Variants in GALNT13 observed in about 807,000 individuals in gnomAD.
The protein encoded by GALNT13 is UDP-GalNAc:polypeptide N-acetylgalactosaminyltransferase 13.
In GALNT13, 28 loss-of-function variants were observed where a neutral mutation model predicts 64.2. The ratio of observed to expected loss-of-function variants is 0.44; its 90% CI spans 0.32 to 0.60. The LOEUF (loss-of-function observed/expected upper bound fraction) is 0.60. Ranked by LOEUF, GALNT13 falls within the 20% of genes least tolerant of loss-of-function variation. The pLI is 0.05. For missense variants in GALNT13, 577 were observed against 669.8 expected, an observed-to-expected ratio of 0.86 and a Z score of 1.53; for synonymous variants, 214 against 224.6, an observed-to-expected ratio of 0.95 and a Z score of 0.42.
intron 9 of GALNT13, among the ~76,000 whole-genome samples, chr2:154,329,417 T>G (rs1177988670): frequency 1.3e-5 from 2 of 152,210 alleles, no homozygotes; most frequent in African/African-American, 4.8e-5. Context: ...ATTTTATTCT[T>G]TATGATGTTG....
chr2:154,449,764 AAAATAT>A (rs1282156484), intron 12 of GALNT13, among the ~76,000 whole-genome samples: 4 of 152,014 alleles, frequency 2.6e-5, no homozygotes, highest in African/African-American at 7.2e-5. Flanking sequence ...TGAAGAAACT[AAAATAT>A]AAATATAATG....
At chr2:153,471,986 A>G in the GALNT13 span, among the ~76,000 whole-genome samples, 1 of 152,254 alleles carries the variant, frequency 6.6e-6, no homozygotes. Context: ...TATACAGTAA[A>G]GGAAACACTG....
chr2:154,083,602 C>T (rs1042372929), intron 3 of GALNT13, among the ~76,000 whole-genome samples: 1 of 151,664 alleles, frequency 6.6e-6, no homozygotes. Flanking sequence ...CAGTGGTTTG[C>T]AGTTCTCCTT....
At chr2:153,366,737 AC>A in the GALNT13 span, among the ~76,000 whole-genome samples, 5 of 131,844 alleles carry the variant, frequency 3.8e-5, no homozygotes, top group Admixed American at 3.7e-4. Context: ...ACACACACAC[AC>A]ACACACACAC....
At chr2:154,354,908 A>C (rs908237398) in intron 9 of GALNT13, among the ~76,000 whole-genome samples, 14 of 150,166 alleles carry the variant, frequency 9.3e-5, no homozygotes, top group Non-Finnish European at 1.8e-4. Flanking sequence ...GTGTTTCTAT[A>C]CATAGAATTT....
chr2:153,550,963 T>G, the GALNT13 span, among the ~76,000 whole-genome samples: 1 of 152,208 alleles, frequency 6.6e-6, no homozygotes, highest in Non-Finnish European at 1.5e-5. Flanking sequence ...ATAAATACTA[T>G]GGAGAAAAAT....
the GALNT13 span, among the ~76,000 whole-genome samples, chr2:153,817,163 T>C: frequency 6.6e-6 from 1 of 152,208 alleles, no homozygotes; most frequent in East Asian, 1.9e-4. Flanking sequence ...CCAATGACTC[T>C]TCCTCGGTGT....
chr2:153,594,720 G>T, the GALNT13 span, among the ~76,000 whole-genome samples: 1 of 152,060 alleles, frequency 6.6e-6, no homozygotes, highest in African/African-American at 2.4e-5. Flanking sequence ...TTACTCAAGC[G>T]GGTCCCCTGA....
At chr2:153,952,864 A>G (rs1478220137) in intron 3 of GALNT13, among the ~76,000 whole-genome samples, 5 of 152,170 alleles carry the variant, frequency 3.3e-5, no homozygotes, top group African/African-American at 9.6e-5. Flanking sequence ...CCAAAAGTCC[A>G]AAAGCTGAAG....
intron 8 of GALNT13, among the ~76,000 whole-genome samples, chr2:154,278,836 C>T (rs761567104): frequency 2.6e-4 from 40 of 151,564 alleles, no homozygotes; most frequent in Admixed American, 5.3e-4. Flanking sequence ...GACATTTGCC[C>T]GCAAATAAGA....
chr2:153,213,664 C>G, the GALNT13 span, among the ~76,000 whole-genome samples: 2 of 152,288 alleles, frequency 1.3e-5, no homozygotes, highest in East Asian at 1.9e-4. Flanking sequence ...AATGGACGCT[C>G]CAGTCCCAGC....
chr2:154,269,240 G>A (rs1346361884), intron 8 of GALNT13, among the ~76,000 whole-genome samples: 1 of 151,986 alleles, frequency 6.6e-6, no homozygotes, highest in African/African-American at 2.4e-5. Context: ...AGAAAGTAAA[G>A]AATTTTCTAA....
chr2:154,187,692 C>T (rs181862352), intron 4 of GALNT13, among the ~76,000 whole-genome samples: 234 of 151,912 alleles, frequency 1.5e-3, no homozygotes, highest in African/African-American at 4.8e-3. Flanking sequence ...TGGATGTAGA[C>T]CTAAACAACT....
the GALNT13 span, among the ~76,000 whole-genome samples, chr2:153,814,468 A>AGT: frequency 0.13 from 2,541 of 19,650 alleles, 36 homozygotes; most frequent in Middle Eastern, 0.26. Flanking sequence ...TAAGTAAGTA[A>AGT]ATAAATAAAT....
intron 4 of GALNT13, among the ~76,000 whole-genome samples, chr2:154,223,124 G>A (rs988137145): frequency 5.3e-5 from 8 of 152,012 alleles, no homozygotes; most frequent in African/African-American, 1.9e-4. Flanking sequence ...CTATAAAAGG[G>A]TCCACCTTTA....
At chr2:153,340,481 C>A in the GALNT13 span, among the ~76,000 whole-genome samples, 5 of 151,776 alleles carry the variant, frequency 3.3e-5, no homozygotes, top group African/African-American at 1.2e-4. Flanking sequence ...ATGATGAAAC[C>A]CCTTCTTTAC....
At chr2:153,554,133 G>T in the GALNT13 span, among the ~76,000 whole-genome samples, 1 of 151,224 alleles carries the variant, frequency 6.6e-6, no homozygotes, top group Admixed American at 6.6e-5. Context: ...TGGCTAACAC[G>T]GTGAAACCCT....
chr2:154,291,494 T>A (rs1692628690), intron 8 of GALNT13, among the ~76,000 whole-genome samples: 1 of 152,128 alleles, frequency 6.6e-6, no homozygotes, highest in Non-Finnish European at 1.5e-5. Context: ...TCAATGGCAC[T>A]CGCTGGGGGA....
chr2:154,446,750 C>G (rs1025734963), intron 12 of GALNT13: 2 of 1,522,420 alleles, frequency 1.3e-6, no homozygotes, highest in South Asian at 2.5e-5. Context: ...ATTACATTCT[C>G]TAATGATTTT....
Sources: gnomAD v4.1 joint callset for allele counts (sites outside exome capture counted in the v4.1 genomes callset) on GRCh38, gnomAD v4.1.1 for gene constraint, MANE v1.5 for transcripts, NCBI Gene and HGNC (gene_info 2026-07-23, HGNC 2026-07-21) for gene names.